The following SYNGR4 variants were observed in gnomAD, a reference collection of about 807,000 sequenced individuals.
SYNGR4 encodes synaptogyrin-4.
In SYNGR4, 15 loss-of-function variants were observed where a neutral mutation model predicts 15.5. That is an observed-to-expected ratio of 0.97 (90% CI 0.65 to 1.49). The LOEUF (loss-of-function observed/expected upper bound fraction) is 1.49, where lower values mean the gene tolerates loss of function less well. Ranked by LOEUF, SYNGR4 falls within the 40% of genes most tolerant of loss-of-function variation. SYNGR4 has a pLI of 0.00. For synonymous variants in SYNGR4, 121 were observed against 127.4 expected, an observed-to-expected ratio of 0.95 and a Z score of 0.34; for missense variants, 292 against 299.3, an observed-to-expected ratio of 0.98 and a Z score of 0.18.
chr19:48,372,872 G>A (rs896802103), intron 2 of SYNGR4, among the ~76,000 whole-genome samples: 2 of 152,220 alleles, frequency 1.3e-5, no homozygotes, highest in Non-Finnish European at 1.5e-5. Context: ...GGCCAGGAGG[G>A]AAGAGACAGA....
intron 3 of SYNGR4, among the ~76,000 whole-genome samples, chr19:48,374,413 C>T (rs1036980987): frequency 6.6e-6 from 1 of 152,166 alleles, no homozygotes; most frequent in African/African-American, 2.4e-5. Flanking sequence ...CAAACACTCC[C>T]GATGGAGCCT....
chr19:48,373,495 TCTGGC>T lies in SYNGR4; in HGVS notation c.94-20_94-16del. Reference sequence around the variant, plus strand: ...GCTTCAGGGAGAGACTGAGCTCTTCTCTGGCCCCTGGAAATCCACAGGTCTTCTCC... The same window carrying T: ...GCTTCAGGGAGAGACTGAGCTCTTCTCCCTGGAAATCCACAGGTCTTCTCC... On this transcript the variant is annotated splice_polypyrimidine_tract_variant and intron_variant, in intron 2 of 4. Coordinates refer to ENST00000344846, the MANE Select transcript of SYNGR4 (RefSeq NM_012451.4). 1 of 1,605,898 alleles carries T rather than the reference TCTGGC, an allele frequency of 6.2e-7. No individual in the cohort carries two copies. Among genetic ancestry groups the T allele is most frequent in the Admixed American group, 1.7e-5 (1 of 59,992 alleles).
chr19:48,370,506 A>G (rs1970287803), intron 2 of SYNGR4, among the ~76,000 whole-genome samples: 1 of 151,986 alleles, frequency 6.6e-6, no homozygotes, highest in African/African-American at 2.4e-5. Flanking sequence ...AGAGAGAGAG[A>G]GTCCTGTGTG....
At chr19:48,366,107 T>A (rs1311149015) in intron 2 of SYNGR4, among the ~76,000 whole-genome samples, 172 bp downstream of exon 2, 3 of 152,168 alleles carry the variant, frequency 2.0e-5, no homozygotes, top group Admixed American at 2.0e-4. Flanking sequence ...ATAGGCCCTA[T>A]GCTATTGAGG....
chr19:48,375,939 C>T, intron 4 of SYNGR4, 146 bp from the exon 5 acceptor site: 1 of 1,526,852 alleles, frequency 6.5e-7, no homozygotes, highest in Non-Finnish European at 8.7e-7. Flanking sequence ...AGCATCAGGG[C>T]CTGTGCTTTG....
At chr19:48,367,431 TA>T (rs112566804) in intron 2 of SYNGR4, among the ~76,000 whole-genome samples, 3,488 of 142,736 alleles carry the variant, frequency 0.024, 89 homozygotes, top group African/African-American at 0.068. Context: ...AGACTCCATT[TA>T]AAAAAAAAAA....
rs1307655126 is a variant in SYNGR4 at position 48,376,098 on chromosome 19, A to C, written c.485A>C (p.Tyr162Ser). The C allele has an allele frequency of 6.2e-7, 1 of 1,614,036 alleles. No individual in the cohort carries two copies. Among genetic ancestry groups the C allele is most frequent in the East Asian group, 2.2e-5 (1 of 44,872 alleles). Residue 162 changes from tyrosine (Y) to serine (S), a missense_variant, in exon 5 of 5, where the codon TAC becomes TCC. Coordinates refer to ENST00000344846, the MANE Select transcript of SYNGR4 (RefSeq NM_012451.4). ...FSILVWIFQA[Y>S]LAFQDLRNDA... ...TTCTGCCCACAGATATTCCAGGCCT[A>C]CCTGGCATTCCAGGACCTCCGAAAT...
chr19:48,375,259 C>T (rs990687696), intron 3 of SYNGR4, among the ~76,000 whole-genome samples: 3 of 151,914 alleles, frequency 2.0e-5, no homozygotes, highest in Non-Finnish European at 4.4e-5. Flanking sequence ...CACCTGGCCT[C>T]GAGTGATCCA....
chr19:48,365,021 C>T (rs1319039172), intron 1 of SYNGR4, among the ~76,000 whole-genome samples: 1 of 151,488 alleles, frequency 6.6e-6, no homozygotes, highest in East Asian at 2.0e-4. Flanking sequence ...TCACTTATGT[C>T]CCCCACTCCT....
At position 48,376,096 on chromosome 19, in the gene SYNGR4, C is replaced by T. The variant is rs755181892; in HGVS notation, c.483C>T (p.Ala161=). ...TTTTCTGCCCACAGATATTCCAGGC[C>T]TACCTGGCATTCCAGGACCTCCGAA... ...FFSILVWIFQ[A]YLAFQDLRND... Residue 161 remains alanine (A), a synonymous_variant, in exon 5 of 5, where the codon GCC becomes GCT. Coordinates refer to ENST00000344846, the MANE Select transcript of SYNGR4 (RefSeq NM_012451.4). The T allele has an allele frequency of 4.0e-5, 64 of 1,614,026 alleles. No homozygotes were observed. The highest frequency in any genetic ancestry group is 5.3e-5 in the Non-Finnish European group (62 of 1,180,022).
chr19:48,369,104 G>A (rs962031846), intron 2 of SYNGR4, among the ~76,000 whole-genome samples: 139 of 152,168 alleles, frequency 9.1e-4, no homozygotes, highest in African/African-American at 3.2e-3. Context: ...TTTGCCCGCC[G>A]CCTCCTTCCA....
At chr19:48,373,828 C>T (rs2147410052) in intron 3 of SYNGR4, 74 bp downstream of exon 3, 1 of 1,466,834 alleles carries the variant, frequency 6.8e-7, no homozygotes, top group Non-Finnish European at 9.5e-7. Context: ...CCAGGGCCTC[C>T]CGGGCACAAC....
intron 4 of SYNGR4, 136 bp downstream of exon 4, chr19:48,375,888 G>T: frequency 2.6e-6 from 4 of 1,516,646 alleles, no homozygotes; most frequent in Non-Finnish European, 3.5e-6. Flanking sequence ...GGACTCCACT[G>T]GTCCCTTCCA....
chr19:48,365,180 C>T (rs1022881460), intron 1 of SYNGR4, among the ~76,000 whole-genome samples: 8 of 151,426 alleles, frequency 5.3e-5, no homozygotes, highest in South Asian at 2.1e-4. Context: ...CCTCCCCACA[C>T]GACACCTTGC....
intron 1 of SYNGR4, among the ~76,000 whole-genome samples, 166 bp downstream of exon 1, chr19:48,364,703 C>A (rs541460985): frequency 4.1e-4 from 63 of 152,058 alleles, no homozygotes; most frequent in African/African-American, 1.5e-3. Context: ...TGAAATATGC[C>A]CTGAGATACC....
Position 48,375,833 on chromosome 19 carries a change from C to T in SYNGR4, c.471+81C>T. The T allele has an allele frequency of 1.9e-6, 3 of 1,561,570 alleles. No homozygotes were observed. The South Asian group carries it at 3.5e-5, about 18-fold the overall frequency. ...GGTTGAAAGGGCTAGAACATTCCTG[C>T]TCTCACTTAGCTCCCCTGGGGGTCA... On this transcript the variant is annotated intron_variant, in intron 4 of 4. Transcript: ENST00000344846.
At position 48,375,868 on chromosome 19, in the gene SYNGR4, G is replaced by A. The variant is rs912048728; in HGVS notation, c.471+116G>A. ...GCTCCCCTGGGGGTCAGGGGTCGGG[G>A]GTTCCCCCAGGACTCCACTGGTCCC... On this transcript the variant is annotated intron_variant, in intron 4 of 4. Coordinates refer to ENST00000344846, the MANE Select transcript of SYNGR4 (RefSeq NM_012451.4). 2.9e-5 allele frequency: 44 copies of A among 1,525,108 alleles called. No individual in the cohort carries two copies. The Admixed American group carries it at 9.4e-4, about 33-fold the overall frequency. The allele number at this position is 1,525,108 out of a possible 1,614,324, so 94.5% of individuals were successfully genotyped here. A position where few individuals can be genotyped will look rare whatever the true frequency, so the allele number is the denominator to read the frequency against.
At chr19:48,375,382 T>C (rs2147412156) in intron 3 of SYNGR4, among the ~76,000 whole-genome samples, 1 of 152,244 alleles carries the variant, frequency 6.6e-6, no homozygotes, top group East Asian at 1.9e-4. Flanking sequence ...CGGCGGCTCC[T>C]GTATTAGACA....
Position 48,365,766 on chromosome 19 carries a change from C to T in SYNGR4, c.-77C>T, listed in dbSNP as rs944313386. 59 of 1,514,132 alleles carry T rather than the reference C, an allele frequency of 3.9e-5. No individual in the cohort carries two copies. The highest frequency in any genetic ancestry group is 1.6e-4 in the East Asian group (7 of 44,024). The allele number at this position is 1,514,132 out of a possible 1,614,324, so 93.8% of individuals were successfully genotyped here. A position where few individuals can be genotyped will look rare whatever the true frequency, so the allele number is the denominator to read the frequency against. On this transcript the variant is annotated 5_prime_UTR_variant, in exon 2 of 5. Transcript: ENST00000344846. ...AAGCCCAGGGCTGGCCTGAAGCCCC[C>T]GGACGGCAGTGCCCAGCAGGCAGCG...
Sources: gnomAD v4.1 joint callset for allele counts (sites outside exome capture counted in the v4.1 genomes callset) on GRCh38, gnomAD v4.1.1 for gene constraint, MANE v1.5 for transcripts, NCBI Gene and HGNC (gene_info 2026-07-23, HGNC 2026-07-21) for gene names.